Variants in PCBP3 observed in about 807,000 individuals in gnomAD.
The protein encoded by PCBP3 is poly(rC)-binding protein 3.
PCBP3 carries 25 observed loss-of-function variants against 52.7 expected under a neutral mutation model. The observed-to-expected ratio is 0.47, with a 90% CI of 0.35 to 0.66. PCBP3 has a LOEUF of 0.66. Ranked by LOEUF, PCBP3 falls within the 30% of genes least tolerant of loss-of-function variation. PCBP3 has a pLI of 0.01. For missense variants in PCBP3, 391 were observed against 490.3 expected, an observed-to-expected ratio of 0.80 and a Z score of 1.91; for synonymous variants, 162 against 183.0, an observed-to-expected ratio of 0.89 and a Z score of 0.93.
At chr21:45,647,317 A>G (rs2079381530) in intron 1 of PCBP3, among the ~76,000 whole-genome samples, 1 of 152,194 alleles carries the variant, frequency 6.6e-6, no homozygotes, top group Non-Finnish European at 1.5e-5. Flanking sequence ...ACTGTTTGCC[A>G]TTTCCTATGC....
intron 4 of PCBP3, among the ~76,000 whole-genome samples, chr21:45,822,392 A>G (rs946343132): frequency 1.3e-4 from 20 of 152,248 alleles, no homozygotes; most frequent in African/African-American, 4.8e-4. Context: ...CCAAGAAGCT[A>G]TAAATCAACC....
chr21:45,777,738 T>TTTTGTATCTC (rs2090355681), intron 4 of PCBP3, among the ~76,000 whole-genome samples: 1 of 152,126 alleles, frequency 6.6e-6, no homozygotes, highest in Admixed American at 6.5e-5. Flanking sequence ...CTTCAATGAA[T>TTTTGTATCTC]CTTCAGTTCT....
In PCBP3 at chr21:45,651,653, T is replaced by C. The variant is rs552264343; in HGVS notation, c.-279+7785T>C. Among the ~76,000 whole-genome samples, 3 of 152,338 alleles carry C rather than the reference T, an allele frequency of 2.0e-5. No homozygotes were observed. The East Asian group carries it at 5.8e-4, about 29-fold the overall frequency. Reference sequence around the variant, plus strand: ...CCATTTCCCTATAGCTAGACATTTATGTTGCTTTAAAATACTCATCATGAT... The same window carrying C: ...CCATTTCCCTATAGCTAGACATTTACGTTGCTTTAAAATACTCATCATGAT... On this transcript the variant is annotated intron_variant, in intron 1 of 17. Transcript: ENST00000681687.
At chr21:45,789,644 G>A (rs2091404328) in intron 4 of PCBP3, among the ~76,000 whole-genome samples, 3 of 152,212 alleles carry the variant, frequency 2.0e-5, no homozygotes, top group Admixed American at 6.5e-5. Flanking sequence ...GCGAGCAAGG[G>A]AGAGCATCAG....
At chr21:45,690,126 C>T (rs2082372852) in intron 2 of PCBP3, among the ~76,000 whole-genome samples, 1 of 152,074 alleles carries the variant, frequency 6.6e-6, no homozygotes, top group Admixed American at 6.5e-5. Context: ...CATATGATAG[C>T]ATAGGGATAG....
chr21:45,849,210 TC>T (rs201215903), intron 4 of PCBP3, among the ~76,000 whole-genome samples: 2,717 of 146,724 alleles, frequency 0.019, 103 homozygotes, highest in Middle Eastern at 0.04. Context: ...TTTTTTTTTT[TC>T]TTTTTTGAGA....
intron 13 of PCBP3, among the ~76,000 whole-genome samples, chr21:45,920,613 G>A (rs1215521273): frequency 6.6e-6 from 1 of 152,214 alleles, no homozygotes; most frequent in Non-Finnish European, 1.5e-5. Context: ...GGGTCCCAGG[G>A]CTGGGGAGTG....
intron 2 of PCBP3, among the ~76,000 whole-genome samples, chr21:45,710,105 G>T (rs974513357): frequency 1.3e-5 from 2 of 152,092 alleles, no homozygotes; most frequent in Non-Finnish European, 2.9e-5. Flanking sequence ...ACCTGGCTGA[G>T]GTGTGTTTGT....
At chr21:45,660,015 C>T (rs2080280212) in intron 1 of PCBP3, among the ~76,000 whole-genome samples, 1 of 152,066 alleles carries the variant, frequency 6.6e-6, no homozygotes, top group Admixed American at 6.6e-5. Flanking sequence ...TTCTGTCTTG[C>T]ATTCCATCCT....
chr21:45,911,159 C>G (rs1482978393), intron 11 of PCBP3, 129 bp downstream of exon 11: 2 of 1,063,748 alleles, frequency 1.9e-6, no homozygotes, highest in South Asian at 2.6e-5. Context: ...GGCTCCTGAC[C>G]CCAAGTCAGC....
chr21:45,680,134 T>C (rs2081745917), intron 2 of PCBP3, among the ~76,000 whole-genome samples: 1 of 152,246 alleles, frequency 6.6e-6, no homozygotes, highest in Non-Finnish European at 1.5e-5. Flanking sequence ...CTACTGTGGC[T>C]GTAAGTCTTG....
chr21:45,848,271 C>T (rs1298926686), intron 4 of PCBP3: 2 of 152,164 alleles, frequency 1.3e-5, no homozygotes, highest in Non-Finnish European at 2.9e-5. Flanking sequence ...GGCGAATATT[C>T]TATGAAAATG....
At chr21:45,659,524 A>T (rs8128559) in intron 1 of PCBP3, among the ~76,000 whole-genome samples, 47,649 of 150,994 alleles carry the variant, frequency 0.32, 8,888 homozygotes, top group East Asian at 0.67. Flanking sequence ...TAATTTTTTA[A>T]TTTTTTGTGA....
intron 5 of PCBP3, among the ~76,000 whole-genome samples, chr21:45,874,825 C>T (rs77573604): frequency 0.01 from 1,547 of 152,282 alleles, 6 homozygotes; most frequent in Non-Finnish European, 0.015. Context: ...GTCACTGTGT[C>T]GGTCCCTGTG....
chr21:45,766,835 AT>A (rs1363972838), intron 4 of PCBP3, among the ~76,000 whole-genome samples: 1 of 152,206 alleles, frequency 6.6e-6, no homozygotes, highest in African/African-American at 2.4e-5. Context: ...TAACTTGTGC[AT>A]TATTTAGAGC....
chr21:45,909,941 CCACTTCCCAGATACGGACCCCCCCACACA>C (rs754589936), intron 10 of PCBP3, among the ~76,000 whole-genome samples: 12 of 62,732 alleles, frequency 1.9e-4, no homozygotes, highest in Non-Finnish European at 2.9e-4. Context: ...CCCCCCCAAC[CCACTTCCCAGATACGGACCCCCCCACACA>C]CACTTCCCAG....
At chr21:45,693,329 C>T (rs867560747) in intron 2 of PCBP3, among the ~76,000 whole-genome samples, 6 of 152,022 alleles carry the variant, frequency 3.9e-5, no homozygotes, top group African/African-American at 1.4e-4. Context: ...AGAAGACAGA[C>T]ATAAAAAGAG....
intron 5 of PCBP3, among the ~76,000 whole-genome samples, chr21:45,884,773 G>C (rs887985916): frequency 2.0e-5 from 3 of 152,186 alleles, no homozygotes; most frequent in African/African-American, 7.2e-5. Flanking sequence ...ATGTTGCCCA[G>C]GCATATATGT....
At chr21:45,794,564 T>C (rs2091816498) in intron 4 of PCBP3, among the ~76,000 whole-genome samples, 1 of 152,180 alleles carries the variant, frequency 6.6e-6, no homozygotes, top group African/African-American at 2.4e-5. Context: ...ATAGAAAATA[T>C]ATAAGGCAAG....
Sources: allele counts gnomAD v4.1 joint callset (sites outside exome capture counted in the v4.1 genomes callset), GRCh38; gene constraint gnomAD v4.1.1; transcripts MANE v1.5; gene names NCBI Gene and HGNC (gene_info 2026-07-23, HGNC 2026-07-21).